CRYM: variants seen among roughly 807,000 people sequenced by gnomAD.
CRYM encodes the protein crystallin mu, also known as ketimine reductase mu-crystallin.
CRYM carries 18 observed loss-of-function variants against 32.9 expected under a neutral mutation model. The ratio of observed to expected loss-of-function variants is 0.55; its 90% confidence interval spans 0.38 to 0.81. The LOEUF (loss-of-function observed/expected upper bound fraction) is 0.81, where lower values mean the gene tolerates loss of function less well. Among genes scored for constraint, CRYM ranks in the 30% least tolerant of loss-of-function variants. CRYM has a pLI of 0.00. For synonymous variants in CRYM, 153 were observed against 152.4 expected (o/e 1.00, Z -0.03); for missense variants, 337 against 393.5 (o/e 0.86, Z 1.21).
chr16:21,290,439 C>T (rs987184650), intron 1 of CRYM, among the ~76,000 whole-genome samples: 9 of 152,250 alleles, frequency 5.9e-5, no homozygotes, highest in African/African-American at 2.2e-4. Context: ...CGGGACACAT[C>T]TGAACATCTG....
chr16:21,293,863 C>T (rs1165995037), intron 1 of CRYM, among the ~76,000 whole-genome samples: 1 of 152,120 alleles, frequency 6.6e-6, no homozygotes, highest in Non-Finnish European at 1.5e-5. Flanking sequence ...TTCAGATAAT[C>T]AATTTAATAT....
At chr16:21,285,393 T>A (rs984585192) in intron 1 of CRYM, among the ~76,000 whole-genome samples, 7 of 152,238 alleles carry the variant, frequency 4.6e-5, no homozygotes, top group African/African-American at 1.7e-4. Flanking sequence ...TTGGGTTAAT[T>A]TCTCTCTTCT....
At chr16:21,296,387 A>C (rs775690567) in intron 1 of CRYM, among the ~76,000 whole-genome samples, 1 of 152,248 alleles carries the variant, frequency 6.6e-6, no homozygotes, top group Non-Finnish European at 1.5e-5. Context: ...GAAATAAGGC[A>C]ATATCAATTC....
chr16:21,278,031 T>C, intron 1 of CRYM, 51 bp downstream of exon 1: 1 of 1,516,826 alleles, frequency 6.6e-7, no homozygotes, highest in Non-Finnish European at 8.8e-7. Context: ...TGCTCCTCCT[T>C]TCCCCGCTTT....
At chr16:21,280,290 G>C (rs1220623416), upstream of CRYM, among the ~76,000 whole-genome samples, 1 of 152,196 alleles carries the variant, frequency 6.6e-6, no homozygotes, top group African/African-American at 2.4e-5. Flanking sequence ...TGAGGCAGGA[G>C]AATTGCTGGA....
Position 21,278,192 on chromosome 16 carries a change from G to A in CRYM, c.60C>T (p.Ser20=). Residue 20 remains serine (S), a synonymous_variant, in exon 1 of 8, where the codon TCC becomes TCT. Transcript: ENST00000572914. The stretch of plus-strand genomic sequence containing the variant: ...TCTCTAGAGGCGGGATGAGGAGGCT[G>A]GAGCTGCGGAGGTGTTCCTCCACCT... ...AAEVEEHLRS[S]SLLIPPLETA... 1.3e-6 allele frequency: 2 copies of A among 1,554,074 alleles called. No homozygotes were observed. The highest frequency in any genetic ancestry group is 1.2e-5 in the South Asian group (1 of 84,412).
chr16:21,288,449 A>C (rs973992759), intron 1 of CRYM, among the ~76,000 whole-genome samples: 4 of 151,882 alleles, frequency 2.6e-5, no homozygotes, highest in African/African-American at 9.7e-5. Context: ...ATGTTTTTTA[A>C]TTTTTGTAAG....
intron 1 of CRYM, among the ~76,000 whole-genome samples, chr16:21,301,518 C>G (rs1046111317): frequency 2.0e-5 from 3 of 152,152 alleles, no homozygotes; most frequent in Admixed American, 6.5e-5. Flanking sequence ...GAAGAAGTAA[C>G]GTTGGGCTGG....
chr16:21,279,418 G>C (rs555417951), upstream of CRYM, among the ~76,000 whole-genome samples: 1 of 152,320 alleles, frequency 6.6e-6, no homozygotes, highest in East Asian at 1.9e-4. Context: ...AAGAGAGGAA[G>C]AGGGCATTAC....
chr16:21,301,605 G>C (rs1399478589), intron 1 of CRYM, among the ~76,000 whole-genome samples: 1 of 152,242 alleles, frequency 6.6e-6, no homozygotes, highest in African/African-American at 2.4e-5. Flanking sequence ...GTGGGCGCAC[G>C]TGCGGAAGAG....
Position 21,286,963 on chromosome 16 carries a change from G to A in CRYM, c.-192-8003C>T, listed in dbSNP as rs780164088. On this transcript the variant is annotated intron_variant, in intron 1 of 9. Coordinates refer to the CRYM transcript ENST00000219599. Reference sequence around the variant, plus strand: ...AAATTAGCTGGGCGTGGTGGTGGGCGCCTGTAGTCCCAGCTACTAGGGAGG... The same window carrying A: ...AAATTAGCTGGGCGTGGTGGTGGGCACCTGTAGTCCCAGCTACTAGGGAGG... 5.9e-5 allele frequency among the ~76,000 whole-genome samples: 9 copies of A among 152,126 alleles called. No homozygotes were observed. In the South Asian group the frequency reaches 8.3e-4, roughly 14 times the overall value.
intron 1 of CRYM, among the ~76,000 whole-genome samples, chr16:21,299,155 T>C (rs1960847281): frequency 6.6e-6 from 1 of 152,182 alleles, no homozygotes; most frequent in Admixed American, 6.5e-5. Flanking sequence ...TTATTAATCT[T>C]GTTCTTATTG....
In CRYM at chr16:21,277,408, C is replaced by G; in HGVS notation, c.324+23G>C. 6.2e-7 allele frequency: 1 copy of G among 1,611,320 alleles called. No homozygotes were observed. The highest frequency in any genetic ancestry group is 8.5e-7 in the Non-Finnish European group (1 of 1,179,758). On this transcript the variant is annotated intron_variant, in intron 2 of 7. Transcript: ENST00000572914. The surrounding 1 kb of genome is among the most constrained non-coding windows in gnomAD (Gnocchi z 4.2). The stretch of plus-strand genomic sequence containing the variant: ...ATCTGGGCCCAGGGGCCCCATTCCA[C>G]CCCGGGACAGGAAGTTGCTCACCGC...
chr16:21,299,222 G>A (rs1278981251), intron 1 of CRYM, among the ~76,000 whole-genome samples: 1 of 152,080 alleles, frequency 6.6e-6, no homozygotes, highest in East Asian at 1.9e-4. Context: ...CACACTGCCG[G>A]GAGGAAAACA....
chr16:21,278,079 C>T lies in CRYM; in HGVS notation c.170+3G>A. 6.5e-7 allele frequency: 1 copy of T among 1,544,048 alleles called. No individual in the cohort carries two copies. The highest frequency in any genetic ancestry group is 2.4e-5 in the East Asian group (1 of 40,900). On this transcript the variant is annotated splice_donor_region_variant and intron_variant, in intron 1 of 7. Coordinates refer to ENST00000572914, the MANE Select transcript of CRYM (RefSeq NM_001376256.1). ...GCCCCTGACCCCGACCCTCCTCACT[C>T]ACCCCCTGTGCTTGGTCACCGGCAC...
intron 2 of CRYM, among the ~76,000 whole-genome samples, chr16:21,276,644 T>C (rs895452349): frequency 6.6e-6 from 1 of 152,122 alleles, no homozygotes; most frequent in Non-Finnish European, 1.5e-5. Flanking sequence ...CATAGAGGAA[T>C]TTTGCAGAAT....
chr16:21,301,287 G>A (rs1002114320), intron 1 of CRYM: 1 of 152,388 alleles, frequency 6.6e-6, no homozygotes, highest in African/African-American at 2.4e-5. Flanking sequence ...GGTCGTCCAG[G>A]AGGGTCGACA....
intron 1 of CRYM, among the ~76,000 whole-genome samples, chr16:21,286,602 A>T (rs1196910835): frequency 6.6e-6 from 1 of 152,140 alleles, no homozygotes; most frequent in Admixed American, 6.5e-5. Flanking sequence ...ATTACCGATA[A>T]CATATACCAA....
At chr16:21,275,632 C>T in intron 2 of CRYM, 38 bp from the exon 3 acceptor site, 1 of 1,481,984 alleles carries the variant, frequency 6.7e-7, no homozygotes, top group Non-Finnish European at 9.4e-7. Context: ...AGGGGAACCC[C>T]TGTCCACTGC....
Sources: allele counts gnomAD v4.1 joint callset (sites outside exome capture counted in the v4.1 genomes callset), GRCh38; gene constraint gnomAD v4.1.1; non-coding constraint Gnocchi (gnomAD v3.1); transcripts MANE v1.5; gene names NCBI Gene and HGNC (gene_info 2026-07-23, HGNC 2026-07-21).